Variants in SLC26A5 observed in about 807,000 individuals in gnomAD.
SLC26A5 encodes the protein prestin.
Under a neutral mutation model 81.0 loss-of-function variants are expected in SLC26A5, and 51 were observed. That is an observed-to-expected ratio of 0.63 (90% confidence interval 0.50 to 0.80). SLC26A5 has a LOEUF of 0.80. Among genes scored for constraint, SLC26A5 ranks in the 30% least tolerant of loss-of-function variants. The pLI is 0.00. For synonymous variants in SLC26A5, 325 were observed against 332.8 expected, an observed-to-expected ratio of 0.98 and a Z score of 0.25; for missense variants, 771 against 905.8, an observed-to-expected ratio of 0.85 and a Z score of 1.91.
chr7:103,443,611 A>G (rs1433306071), intron 1 of SLC26A5, among the ~76,000 whole-genome samples: 1 of 152,258 alleles, frequency 6.6e-6, no homozygotes, highest in Non-Finnish European at 1.5e-5. Context: ...ATAATGTTCA[A>G]GATAAGAGTT....
At chr7:103,362,102 T>C (rs773741550) in intron 19 of SLC26A5, 12 of 1,612,042 alleles carry the variant, frequency 7.4e-6, no homozygotes, top group Non-Finnish European at 7.6e-6. Context: ...AGATTTCTAT[T>C]TACAATAAAT....
intron 2 of SLC26A5, among the ~76,000 whole-genome samples, chr7:103,422,104 C>T (rs1825397181): frequency 6.6e-6 from 1 of 152,144 alleles, no homozygotes; most frequent in Non-Finnish European, 1.5e-5. Context: ...AACATCAGCA[C>T]ACTATTCTAA....
intron 17 of SLC26A5, 146 bp downstream of exon 17, chr7:103,378,300 T>C: frequency 1.3e-6 from 1 of 773,896 alleles, no homozygotes; most frequent in Non-Finnish European, 2.3e-6. Flanking sequence ...TATCAGGTGC[T>C]TGTAAAATAT....
chr7:103,441,640 T>C (rs976184589), intron 2 of SLC26A5, among the ~76,000 whole-genome samples: 31 of 152,142 alleles, frequency 2.0e-4, no homozygotes, highest in African/African-American at 7.5e-4. Flanking sequence ...AAGTCACAGA[T>C]CACTTCAAGG....
chr7:103,429,418 T>C lies in SLC26A5; in HGVS notation c.-53-7851A>G, dbSNP rs74357185. On this transcript the variant is annotated intron_variant, in intron 2 of 19. Coordinates refer to ENST00000306312, the MANE Select transcript of SLC26A5 (RefSeq NM_198999.3). ...TATAAACAACAAAAATAAATTTTAC[T>C]ATGAATTTTTTCAACATTGCCCTGA... Among the ~76,000 whole-genome samples, 1,036 of 152,362 alleles carry C rather than the reference T, an allele frequency of 6.8e-3. 10 individuals are homozygous for C. Among genetic ancestry groups the C allele is most frequent in the East Asian group, 0.059 (306 of 5,186 alleles).
chr7:103,437,997 A>G (rs1277603778), intron 2 of SLC26A5, among the ~76,000 whole-genome samples: 2 of 152,208 alleles, frequency 1.3e-5, no homozygotes, highest in Non-Finnish European at 2.9e-5. Context: ...CATGTTCTAT[A>G]TGAAGTTCTA....
intron 9 of SLC26A5, among the ~76,000 whole-genome samples, chr7:103,394,318 A>G (rs1219461474): frequency 1.3e-5 from 2 of 152,214 alleles, no homozygotes; most frequent in African/African-American, 2.4e-5. Flanking sequence ...TGTAGGTGAA[A>G]AAATGGATTT....
intron 14 of SLC26A5, among the ~76,000 whole-genome samples, chr7:103,383,771 C>CAGCAG (rs1821973839): frequency 6.6e-6 from 1 of 152,162 alleles, no homozygotes; most frequent in East Asian, 1.9e-4. Flanking sequence ...AACTCCTAGG[C>CAGCAG]TCTAGTGATC....
In SLC26A5 at chr7:103,366,237, GTTAATC is replaced by G. The variant is rs1404351767; in HGVS notation, c.2041+10565_2041+10570del. 124 of 1,317,312 alleles carry G rather than the reference GTTAATC, an allele frequency of 9.4e-5. 1 individual carries two copies. The highest frequency in any genetic ancestry group is 9.3e-4 in the Middle Eastern group (5 of 5,386). The allele number at this position is 1,317,312 out of a possible 1,614,324, so 81.6% of individuals were successfully genotyped here. A position where few individuals can be genotyped will look rare whatever the true frequency, so the allele number is the denominator to read the frequency against. On this transcript the variant is annotated intron_variant, in intron 19 of 19. Transcript: ENST00000339444. ...GCTGTAAAGTGATATGTCGTGATATGTTAATCTTGTACAGAATTTTAACTCCAACTC... is the reference window on the plus strand; with the variant it reads ...GCTGTAAAGTGATATGTCGTGATATGTTGTACAGAATTTTAACTCCAACTC...
chr7:103,369,505 A>G (rs998993800), downstream of SLC26A5: 5 of 152,264 alleles, frequency 3.3e-5, no homozygotes, highest in African/African-American at 9.6e-5. Context: ...CAGAGTGACT[A>G]TCGTGATAAT....
chr7:103,374,567 C>A lies in SLC26A5; in HGVS notation c.2067G>T (p.Arg689=), dbSNP rs144681475. 8 of 1,613,926 alleles carry A rather than the reference C, an allele frequency of 5.0e-6. No homozygotes were observed. The Admixed American group carries it at 8.3e-5, about 17-fold the overall frequency. ...CSAQVVNDLT[R]NRFFENPALW... Reference sequence around the variant, plus strand: ...GGGCAGGATTTTCAAAAAATCTATTCCGAGTGAGGTCATTCACAACTTGTG... The same window carrying A: ...GGGCAGGATTTTCAAAAAATCTATTACGAGTGAGGTCATTCACAACTTGTG... Residue 689 remains arginine (R), a synonymous_variant, in exon 20 of 20, where the codon CGG becomes CGT. Transcript: ENST00000306312.
chr7:103,369,321 A>G (rs1429259661), downstream of SLC26A5: 3 of 152,240 alleles, frequency 2.0e-5, no homozygotes, highest in Non-Finnish European at 4.4e-5. Context: ...TTACAATAAA[A>G]TATACTTAAG....
chr7:103,427,545 T>TA (rs1444077858), intron 2 of SLC26A5, among the ~76,000 whole-genome samples: 2 of 152,208 alleles, frequency 1.3e-5, no homozygotes, highest in Non-Finnish European at 2.9e-5. Context: ...CTCTGATACT[T>TA]ATAAAATATT....
chr7:103,376,905 T>C, intron 18 of SLC26A5, 43 bp from the exon 19 acceptor site: 1 of 1,340,390 alleles, frequency 7.5e-7, no homozygotes, highest in Non-Finnish European at 1.1e-6. Context: ...CTTTACTCTG[T>C]GCCAGATGAA....
At chr7:103,364,211 A>T (rs376164420) in intron 19 of SLC26A5, 7 of 1,614,226 alleles carry the variant, frequency 4.3e-6, no homozygotes, top group Non-Finnish European at 5.9e-6. Context: ...CACCCGGTAC[A>T]GGCAAGACAC....
chr7:103,410,461 T>G lies in SLC26A5; in HGVS notation c.659A>C (p.His220Pro). ...ATATTTTAACATGGAGGTGAAGACATGCACAGCTGCTGCGGTGGTAAACCC... is the reference window on the plus strand; with the variant it reads ...ATATTTTAACATGGAGGTGAAGACAGGCACAGCTGCTGCGGTGGTAAACCC... ...VRGFTTAAAV[H>P]VFTSMLKYLF... Residue 220 changes from histidine to proline, a missense_variant, in exon 7 of 20, where the codon CAT becomes CCT. Transcript: ENST00000306312. 6.2e-7 allele frequency: 1 copy of G among 1,614,036 alleles called. No homozygotes were observed. The highest frequency in any genetic ancestry group is 8.5e-7 in the Non-Finnish European group (1 of 1,179,946).
chr7:103,413,450 G>A (rs1163365604), intron 4 of SLC26A5, among the ~76,000 whole-genome samples: 1 of 152,144 alleles, frequency 6.6e-6, no homozygotes. Context: ...CTCCAATGGG[G>A]TGTTTTTGTG....
At chr7:103,444,997 G>T (rs1270037842) in intron 1 of SLC26A5, among the ~76,000 whole-genome samples, 1 of 152,178 alleles carries the variant, frequency 6.6e-6, no homozygotes, top group Non-Finnish European at 1.5e-5. Context: ...GCATTTCTAT[G>T]CTGTAAATTC....
chr7:103,411,697 G>T, intron 5 of SLC26A5, 111 bp from the exon 6 acceptor site: 2 of 1,207,330 alleles, frequency 1.7e-6, no homozygotes, highest in Non-Finnish European at 2.4e-6. Flanking sequence ...CTTGAAGGAA[G>T]GCTACGCTCC....
Sources: gnomAD v4.1 joint callset for allele counts (sites outside exome capture counted in the v4.1 genomes callset) on GRCh38, gnomAD v4.1.1 for gene constraint, MANE v1.5 for transcripts, NCBI Gene and HGNC (gene_info 2026-07-23, HGNC 2026-07-21) for gene names.